Variants in RPE observed in about 807,000 individuals in gnomAD.
RPE encodes the protein ribulose-phosphate 3-epimerase.
A neutral mutation model predicts 24.6 loss-of-function variants in RPE; 16 were observed. The ratio of observed to expected loss-of-function variants is 0.65; its 90% CI spans 0.44 to 0.99. The LOEUF (loss-of-function observed/expected upper bound fraction) is 0.99, where lower values mean the gene tolerates loss of function less well. RPE is among the 50% of genes least tolerant of loss of function. RPE has a pLI of 0.00. For synonymous variants in RPE, 93 were observed against 98.4 expected (o/e 0.94, Z 0.33); for missense variants, 240 against 294.5 (o/e 0.81, Z 1.35).
intron 3 of RPE, 70 bp from the exon 4 acceptor site, chr2:210,016,437 C>T: frequency 6.2e-7 from 1 of 1,602,174 alleles, no homozygotes; most frequent in African/African-American, 1.3e-5. Flanking sequence ...TCTACTGGGC[C>T]TGCTATGCCA....
At position 210,019,828 on chromosome 2, in the gene RPE, T is replaced by G. The variant is rs779855154; in HGVS notation, c.*37T>G. ...GCCCAGTGTTCCTGTTCATGAAATC[T>G]CCCTTTTACTGGAAAACAGGAATAT... On this transcript the variant is annotated 3_prime_UTR_variant, in exon 6 of 6. Coordinates refer to ENST00000359429, the MANE Select transcript of RPE (RefSeq NM_199229.3). 34 of 1,591,578 alleles carry G rather than the reference T, an allele frequency of 2.1e-5. No individual in the cohort carries two copies. Among genetic ancestry groups the G allele is most frequent in the Non-Finnish European group, 2.7e-5 (31 of 1,168,434 alleles).
chr2:210,014,792 A>G (rs555593183), intron 2 of RPE, among the ~76,000 whole-genome samples: 2 of 151,920 alleles, frequency 1.3e-5, no homozygotes, highest in African/African-American at 4.8e-5. Context: ...TTTTTCTTAA[A>G]TATAGCTTGG....
intron 1 of RPE, among the ~76,000 whole-genome samples, chr2:210,006,250 A>G (rs2093629090): frequency 1.3e-5 from 2 of 152,240 alleles, no homozygotes; most frequent in African/African-American, 4.8e-5. Flanking sequence ...TTCAAAATTC[A>G]GATTCCCGGT....
intron 5 of RPE, among the ~76,000 whole-genome samples, chr2:210,019,280 A>G (rs967644468): frequency 1.3e-5 from 2 of 152,222 alleles, no homozygotes; most frequent in African/African-American, 4.8e-5. Flanking sequence ...ACAAATTCAT[A>G]TAAATATAAT....
At position 210,014,193 on chromosome 2, in the gene RPE, G is replaced by A. The variant is rs557981328; in HGVS notation, c.203-1780G>A. ...TGCAAGCTCCGCCTCCTGGATTCACGCTGTTCTGCCTCAGCCTCTCGAGTA... is the reference window on the plus strand; with the variant it reads ...TGCAAGCTCCGCCTCCTGGATTCACACTGTTCTGCCTCAGCCTCTCGAGTA... On this transcript the variant is annotated intron_variant, in intron 2 of 5. Coordinates refer to ENST00000359429, the MANE Select transcript of RPE (RefSeq NM_199229.3). Among the ~76,000 whole-genome samples the A allele has an allele frequency of 9.9e-5, 15 of 152,038 alleles. No individual in the cohort carries two copies. The East Asian group carries it at 1.4e-3, about 14-fold the overall frequency.
At chr2:210,010,909 C>T (rs1184986352) in intron 2 of RPE, among the ~76,000 whole-genome samples, 2 of 151,190 alleles carry the variant, frequency 1.3e-5, no homozygotes, top group Non-Finnish European at 2.9e-5. Flanking sequence ...CAGTGTGACA[C>T]TCCATGTCAA....
chr2:210,003,308 T>G (rs2093587701), intron 1 of RPE: 1 of 407,718 alleles, frequency 2.5e-6, no homozygotes, highest in Non-Finnish European at 4.4e-6. Flanking sequence ...AACCTACCGC[T>G]TAGGCATCTT....
chr2:210,009,853 G>A, intron 2 of RPE, 117 bp downstream of exon 2: 1 of 1,356,828 alleles, frequency 7.4e-7, no homozygotes, highest in Non-Finnish European at 1.0e-6. Context: ...TCCTATCCTG[G>A]GTCTTCATTG....
rs2093823229 is a variant in RPE, at chr2:210,019,241, T to C, written c.565-428T>C. ...GCCGTAGTTTATGGATAATTTTACATTTTTAGCAATAATTGTCCTTTCACA... is the reference window on the plus strand; with the variant it reads ...GCCGTAGTTTATGGATAATTTTACACTTTTAGCAATAATTGTCCTTTCACA... On this transcript the variant is annotated intron_variant, in intron 5 of 5. Coordinates refer to ENST00000359429, the MANE Select transcript of RPE (RefSeq NM_199229.3). Among the ~76,000 whole-genome samples the C allele has an allele frequency of 2.6e-5, 4 of 152,220 alleles. No homozygotes were observed. The South Asian group carries it at 8.3e-4, about 31-fold the overall frequency.
chr2:210,010,331 G>A (rs1184049169), intron 2 of RPE, among the ~76,000 whole-genome samples: 1 of 152,130 alleles, frequency 6.6e-6, no homozygotes, highest in East Asian at 1.9e-4. Flanking sequence ...TTACTTAGTG[G>A]CCTACAAGTG....
chr2:210,016,908 A>G (rs1251836173), intron 4 of RPE, among the ~76,000 whole-genome samples: 2 of 152,202 alleles, frequency 1.3e-5, no homozygotes, highest in African/African-American at 2.4e-5. Context: ...CAGTAATTCA[A>G]TTAGGGTTCA....
rs2093853788 is a variant in RPE at position 210,021,442 on chromosome 2, T to G, written c.*1651T>G. The G allele has an allele frequency of 1.3e-5, 2 of 152,510 alleles. No individual in the cohort carries two copies. Among genetic ancestry groups the G allele is most frequent in the African/African-American group, 2.4e-5 (1 of 41,430 alleles). The allele number at this position is 152,510 out of a possible 1,614,324, so 9.4% of individuals were successfully genotyped here. ...CACGGCATATAGAAATAACTTTAAT[T>G]AAAAAACTTACATAGAAGATTATAA... On this transcript the variant is annotated 3_prime_UTR_variant, in exon 6 of 6. Transcript: ENST00000359429.
intron 2 of RPE, among the ~76,000 whole-genome samples, chr2:210,010,979 C>T (rs2093692128): frequency 6.6e-6 from 1 of 152,160 alleles, no homozygotes; most frequent in African/African-American, 2.4e-5. Flanking sequence ...TTCTTATTCA[C>T]GTTAATCACA....
At chr2:210,015,006 T>C (rs1410537756) in intron 2 of RPE, among the ~76,000 whole-genome samples, 2 of 152,240 alleles carry the variant, frequency 1.3e-5, no homozygotes, top group Admixed American at 6.5e-5. Context: ...TGTGTTTATA[T>C]GAATCAAGCT....
chr2:210,002,915 G>GT, intron 1 of RPE, 132 bp downstream of exon 1: 1 of 1,545,134 alleles, frequency 6.5e-7, no homozygotes, highest in Non-Finnish European at 8.8e-7. Flanking sequence ...GCTAGAAGGG[G>GT]TGTGGGGTAG....
intron 2 of RPE, among the ~76,000 whole-genome samples, chr2:210,011,528 TC>T (rs2093699289): frequency 6.6e-6 from 1 of 152,188 alleles, no homozygotes; most frequent in East Asian, 1.9e-4. Flanking sequence ...CCACACACAA[TC>T]TGCTTTTTCT....
chr2:210,018,136 A>AAT, intron 5 of RPE: 1 of 1,519,474 alleles, frequency 6.6e-7, no homozygotes, highest in Non-Finnish European at 8.8e-7. Context: ...TTTATAAAAG[A>AAT]ATATGTTGAA....
chr2:210,016,673 T>C, intron 4 of RPE, 32 bp downstream of exon 4: 1 of 1,613,790 alleles, frequency 6.2e-7, no homozygotes, highest in Non-Finnish European at 8.5e-7. Flanking sequence ...GGGGTGAGGC[T>C]TTTACAGTGT....
rs536194013 is a variant in RPE at position 210,009,715 on chromosome 2, C to G, written c.181C>G (p.Leu61Val). Reference protein sequence around the residue: ...HPVVESLRKQLGQDPFFDMHM... With the variant: ...HPVVESLRKQVGQDPFFDMHM... ...TGTGGTAGAAAGCCTTCGAAAGCAG[C>G]TAGGCCAGGACCCTTTCTTTGGTAA... The change falls in exon 2 of 6, where the codon CTA becomes GTA. Residue 61 changes from leucine to valine, a missense_variant. Coordinates refer to ENST00000359429, the MANE Select transcript of RPE (RefSeq NM_199229.3). The G allele has an allele frequency of 1.2e-6, 2 of 1,614,182 alleles. No individual in the cohort carries two copies. Among genetic ancestry groups the G allele is most frequent in the Admixed American group, 1.7e-5 (1 of 60,020 alleles).
Sources: gnomAD v4.1 joint callset for allele counts (sites outside exome capture counted in the v4.1 genomes callset) on GRCh38, gnomAD v4.1.1 for gene constraint, MANE v1.5 for transcripts, NCBI Gene and HGNC (gene_info 2026-07-23, HGNC 2026-07-21) for gene names.